CACNA2D3: variants seen among roughly 807,000 people sequenced by gnomAD.
CACNA2D3 encodes calcium voltage-gated channel auxiliary subunit alpha2delta 3.
Under a neutral mutation model 160.6 loss-of-function variants are expected in CACNA2D3, and 60 were observed. The observed-to-expected ratio is 0.37, with a 90% CI of 0.30 to 0.46. The LOEUF is 0.46. CACNA2D3 is among the 20% of genes least tolerant of loss of function. CACNA2D3 has a pLI of 1.00. For synonymous variants in CACNA2D3, 558 were observed against 492.9 expected, an observed-to-expected ratio of 1.13 and a Z score of -1.75; for missense variants, 1,205 against 1,365.0, an observed-to-expected ratio of 0.88 and a Z score of 1.85.
chr3:54,927,931 TCCTTGCTGA>T, intron 27 of CACNA2D3: 1 of 1,613,518 alleles, frequency 6.2e-7, no homozygotes. Context: ...TCCTTGGGCG[TCCTTGCTGA>T]CCTCGTAGAC....
intron 5 of CACNA2D3, among the ~76,000 whole-genome samples, chr3:54,513,448 C>T (rs889241722): frequency 6.6e-6 from 1 of 152,140 alleles, no homozygotes; most frequent in Non-Finnish European, 1.5e-5. Flanking sequence ...TGCAATCCTA[C>T]CCCAACTCAC....
At chr3:54,742,974 A>G (rs561859088) in intron 11 of CACNA2D3, among the ~76,000 whole-genome samples, 1 of 152,354 alleles carries the variant, frequency 6.6e-6, no homozygotes, top group East Asian at 1.9e-4. Context: ...GAGCATAGAG[A>G]AAGTAAAATC....
At chr3:54,242,039 T>C (rs1055693803) in intron 2 of CACNA2D3, among the ~76,000 whole-genome samples, 9 of 152,210 alleles carry the variant, frequency 5.9e-5, no homozygotes, top group Non-Finnish European at 1.5e-5. Context: ...CTGTATACAC[T>C]TATGTGTTTT....
At chr3:54,420,234 G>A (rs967410849) in intron 4 of CACNA2D3, among the ~76,000 whole-genome samples, 6 of 152,064 alleles carry the variant, frequency 3.9e-5, no homozygotes, top group Non-Finnish European at 5.9e-5. Context: ...ACAGGCACAC[G>A]CCACTATGCC....
rs768809129 is a variant in CACNA2D3, at chr3:55,004,821, G to A, written c.2749G>A (p.Ala917Thr). ...CRANKESSDG[A>T]HGLLDPYNAF... ...AGCCAACAAGGAAAGCAGCGATGGCGCCCATGGCCTCCTGGATGTAAGTAC... is the reference window on the plus strand; with the variant it reads ...AGCCAACAAGGAAAGCAGCGATGGCACCCATGGCCTCCTGGATGTAAGTAC... Residue 917 changes from alanine (A) to threonine (T), a missense_variant, in exon 32 of 38, where the codon GCC (alanine) becomes ACC (threonine). Coordinates refer to ENST00000474759, the MANE Select transcript of CACNA2D3 (RefSeq NM_018398.3). The A allele has an allele frequency of 2.0e-5, 33 of 1,612,652 alleles. No homozygotes were observed. The highest frequency in any genetic ancestry group is 5.5e-5 in the South Asian group (5 of 91,016).
In CACNA2D3 at chr3:54,595,163, C is replaced by A. The variant is rs532518467; in HGVS notation, c.963+13286C>A. Among the ~76,000 whole-genome samples, 13 of 152,190 alleles carry A rather than the reference C, an allele frequency of 8.5e-5. No homozygotes were observed. In the South Asian group the frequency reaches 2.7e-3, roughly 32 times the overall value. ...GCCCATCTTAGTAGAAAGGGCACAA[C>A]TGTTTATATGTATGAAGTGTAAAGT... On this transcript the variant is annotated intron_variant, in intron 9 of 37. Transcript: ENST00000474759.
intron 4 of CACNA2D3, among the ~76,000 whole-genome samples, chr3:54,414,624 G>A (rs1245127272): frequency 6.6e-6 from 1 of 151,862 alleles, no homozygotes; most frequent in Non-Finnish European, 1.5e-5. Flanking sequence ...GAACAACTTG[G>A]AAAAACTCCT....
chr3:54,636,325 G>A (rs1032859352), intron 10 of CACNA2D3, among the ~76,000 whole-genome samples: 1 of 152,002 alleles, frequency 6.6e-6, no homozygotes, highest in African/African-American at 2.4e-5. Flanking sequence ...GAGAGACACA[G>A]TCGTGGGGGT....
At chr3:54,139,200 C>T (rs761305584) in intron 2 of CACNA2D3, among the ~76,000 whole-genome samples, 2 of 152,224 alleles carry the variant, frequency 1.3e-5, no homozygotes, top group Non-Finnish European at 2.9e-5. Flanking sequence ...AGATGGGTGG[C>T]ACTTGGTTCT....
chr3:54,286,678 A>C (rs1703035954), intron 2 of CACNA2D3, among the ~76,000 whole-genome samples: 1 of 152,226 alleles, frequency 6.6e-6, no homozygotes, highest in African/African-American at 2.4e-5. Flanking sequence ...GCAGCCAGAG[A>C]GAAAGGTCAG....
intron 25 of CACNA2D3, among the ~76,000 whole-genome samples, chr3:54,894,020 C>A (rs1236305011): frequency 6.6e-6 from 1 of 151,888 alleles, no homozygotes; most frequent in African/African-American, 2.4e-5. Flanking sequence ...CTGATACAAC[C>A]CTGGTAAAGT....
intron 35 of CACNA2D3, among the ~76,000 whole-genome samples, chr3:55,057,013 C>G (rs1704376943): frequency 6.6e-6 from 1 of 152,148 alleles, no homozygotes; most frequent in African/African-American, 2.4e-5. Context: ...TTGGCTGTGT[C>G]CCTGCCCAAA....
Position 54,531,818 on chromosome 3 carries a change from C to T in CACNA2D3, c.544+28164C>T, listed in dbSNP as rs189158021. On this transcript the variant is annotated intron_variant, in intron 5 of 37. Coordinates refer to ENST00000474759, the MANE Select transcript of CACNA2D3 (RefSeq NM_018398.3). ...TTGCAGCATTGGCAAAAATAAAAAA[C>T]GGATTTTTGTCTATTCATTTGCCAT... 1.4e-4 allele frequency among the ~76,000 whole-genome samples: 22 copies of T among 152,322 alleles called. No individual in the cohort carries two copies. The East Asian group carries it at 1.7e-3, about 12-fold the overall frequency.
intron 2 of CACNA2D3, among the ~76,000 whole-genome samples, chr3:54,229,546 G>A (rs182838784): frequency 5.9e-4 from 89 of 151,974 alleles, no homozygotes; most frequent in African/African-American, 2.1e-3. Context: ...TGTTGCCTAG[G>A]CTGGCCTCAA....
chr3:54,225,580 T>A (rs556586080), intron 2 of CACNA2D3, among the ~76,000 whole-genome samples: 51 of 152,362 alleles, frequency 3.3e-4, no homozygotes, highest in African/African-American at 1.1e-3. Flanking sequence ...GTATCTGATT[T>A]ACTGTTAAAC....
At chr3:54,705,342 C>G (rs1053096701) in intron 11 of CACNA2D3, among the ~76,000 whole-genome samples, 3 of 152,152 alleles carry the variant, frequency 2.0e-5, no homozygotes, top group African/African-American at 7.2e-5. Context: ...TATCATTGAA[C>G]TAGAATTATA....
At position 54,549,684 on chromosome 3, in the gene CACNA2D3, A is replaced by G. The variant is rs545551599; in HGVS notation, c.545-13116A>G. Among the ~76,000 whole-genome samples, 300 of 152,172 alleles carry G rather than the reference A, an allele frequency of 2.0e-3. 1 individual carries two copies. Among genetic ancestry groups the G allele is most frequent in the African/African-American group, 5.9e-3 (243 of 41,512 alleles). ...TTTCTTTGTCCAGTCTGCGGCTTCTATGTCTTTGCTCCAGCAGTATCCGTG... is the reference window on the plus strand; with the variant it reads ...TTTCTTTGTCCAGTCTGCGGCTTCTGTGTCTTTGCTCCAGCAGTATCCGTG... On this transcript the variant is annotated intron_variant, in intron 5 of 37. Transcript: ENST00000474759.
intron 12 of CACNA2D3, among the ~76,000 whole-genome samples, chr3:54,754,305 C>T (rs1701929791): frequency 6.6e-6 from 1 of 152,212 alleles, no homozygotes; most frequent in South Asian, 2.1e-4. Context: ...CCAAGTCGAG[C>T]AGTCACTATC....
intron 4 of CACNA2D3, among the ~76,000 whole-genome samples, chr3:54,414,848 A>T (rs1292251566): frequency 2.1e-5 from 3 of 140,006 alleles, no homozygotes; most frequent in Non-Finnish European, 4.7e-5. Context: ...GCCTGGGGAT[A>T]TTTATTTTAA....
Sources: allele counts gnomAD v4.1 joint callset (sites outside exome capture counted in the v4.1 genomes callset), GRCh38; gene constraint gnomAD v4.1.1; transcripts MANE v1.5; gene names NCBI Gene and HGNC (gene_info 2026-07-23, HGNC 2026-07-21).